The following BSPH1 variants were observed in gnomAD, a reference collection of about 807,000 sequenced individuals.
The protein encoded by BSPH1 is binder of sperm protein homolog 1.
A neutral mutation model predicts 22.5 loss-of-function variants in BSPH1; 21 were observed. The observed-to-expected ratio is 0.93, with a 90% CI of 0.66 to 1.35. The LOEUF is 1.35. BSPH1 is among the 40% of genes most tolerant of loss of function. The pLI, the probability that BSPH1 is intolerant of heterozygous loss-of-function variation, is 0.00. For synonymous variants in BSPH1, 42 were observed against 53.6 expected (o/e 0.78, Z 0.95); for missense variants, 141 against 154.2 (o/e 0.91, Z 0.45).
intron 2 of BSPH1, among the ~76,000 whole-genome samples, chr19:47,980,253 G>A (rs141147631): frequency 1.3e-5 from 2 of 151,966 alleles, no homozygotes; most frequent in African/African-American, 4.8e-5. Flanking sequence ...AAATGAAATT[G>A]GCTTTATAAT....
intron 2 of BSPH1, chr19:47,980,509 C>T (rs1404919367): frequency 4.2e-6 from 1 of 240,510 alleles, no homozygotes; most frequent in Non-Finnish European, 6.5e-6. Context: ...GAGACTGTCA[C>T]CCAGGCTGGA....
At chr19:47,987,812 C>T (rs1010493880) in intron 1 of BSPH1, among the ~76,000 whole-genome samples, 22 of 151,900 alleles carry the variant, frequency 1.4e-4, no homozygotes, top group African/African-American at 5.1e-4. Context: ...GGCAACTTGG[C>T]GAAATCTTAT....
chr19:47,987,310 C>T (rs1301581183), intron 1 of BSPH1, among the ~76,000 whole-genome samples: 2 of 151,900 alleles, frequency 1.3e-5, no homozygotes, highest in African/African-American at 4.8e-5. Flanking sequence ...ACCCCGTCCT[C>T]GGAATGTCCC....
At chr19:47,975,649 AT>A (rs199878812) in intron 5 of BSPH1, among the ~76,000 whole-genome samples, 735 of 124,692 alleles carry the variant, frequency 5.9e-3, no homozygotes, top group African/African-American at 0.015. Flanking sequence ...AAGGTAATGC[AT>A]TTTTTTTTTT....
chr19:47,990,479 A>T (rs912510671), intron 1 of BSPH1, among the ~76,000 whole-genome samples: 1 of 149,106 alleles, frequency 6.7e-6, no homozygotes. Context: ...TGTCTGATTT[A>T]AAAAAAAAAC....
intron 5 of BSPH1, 113 bp downstream of exon 5, chr19:47,976,595 AAC>A (rs372341553): frequency 0.11 from 48,624 of 442,324 alleles, 1,981 homozygotes; most frequent in African/African-American, 0.14. Flanking sequence ...AAAAAAAAAA[AAC>A]AAAAAAAAAC....
chr19:47,984,229 T>G lies in BSPH1; in HGVS notation c.74-3288A>C, dbSNP rs1410322619. Among the ~76,000 whole-genome samples the G allele has an allele frequency of 5.4e-5, 8 of 147,102 alleles. No homozygotes were observed. The East Asian group carries it at 1.6e-3, about 29-fold the overall frequency. Reference sequence around the variant, plus strand: ...ATTATACATAAAATATAAATATATATATTATATATTTTTAAATTCAAAGGA... The same window carrying G: ...ATTATACATAAAATATAAATATATAGATTATATATTTTTAAATTCAAAGGA... On this transcript the variant is annotated intron_variant, in intron 1 of 5. Transcript: ENST00000344839.
intron 5 of BSPH1, among the ~76,000 whole-genome samples, chr19:47,971,457 C>T (rs559870515): frequency 2.0e-5 from 3 of 152,318 alleles, no homozygotes; most frequent in East Asian, 3.9e-4. Flanking sequence ...CTGCCCGCCT[C>T]GGCCTCCCAA....
intron 1 of BSPH1, among the ~76,000 whole-genome samples, chr19:47,986,537 G>A (rs952260105): frequency 2.6e-5 from 4 of 151,966 alleles, no homozygotes; most frequent in South Asian, 2.1e-4. Context: ...CCAGGAGTTC[G>A]AGACCAGCCT....
rs1189828782 is a variant in BSPH1 at position 47,977,448 on chromosome 19, T to G, written c.181A>C (p.Lys61Gln). The G allele has an allele frequency of 4.5e-6, 7 of 1,552,046 alleles. No homozygotes were observed. The highest frequency in any genetic ancestry group is 3.3e-4 in the Middle Eastern group (2 of 5,996). Residue 61 changes from lysine (K) to glutamine (Q), a missense_variant, in exon 4 of 6, where the codon AAG becomes CAG. By Grantham distance (53) the Lys-to-Gln change is moderately conservative. Coordinates refer to ENST00000344839, the MANE Select transcript of BSPH1 (RefSeq NM_001128326.2). ...CACCACTTGTGTCTTGCCTTGGACT[T>G]GATGCAGTCATAATATGTTCCATTT... ...YKNGTYYDCI[K>Q]SKARHKWCSL...
intron 1 of BSPH1, among the ~76,000 whole-genome samples, chr19:47,985,076 AAAGAAAG>A (rs1969457976): frequency 8.6e-6 from 1 of 116,688 alleles, no homozygotes; most frequent in African/African-American, 3.5e-5. Context: ...AAAAAAAAAA[AAAGAAAG>A]AAAAAGAAAA....
At position 47,977,453 on chromosome 19, in the gene BSPH1, C is replaced by G. The variant is rs958251000; in HGVS notation, c.176G>C (p.Cys59Ser). 9.0e-6 allele frequency: 14 copies of G among 1,551,922 alleles called. No individual in the cohort carries two copies. The highest frequency in any genetic ancestry group is 1.2e-5 in the Non-Finnish European group (14 of 1,147,044). ...FHYKNGTYYD[C>S]IKSKARHKWC... ...CTTGTGTCTTGCCTTGGACTTGATG[C>G]AGTCATAATATGTTCCATTTTTATA... is the stretch of plus-strand genomic sequence containing the variant. The change falls in exon 4 of 6, where the codon TGC becomes TCC. Residue 59 changes from cysteine to serine, a missense_variant. Transcript: ENST00000344839.
At chr19:47,986,381 G>A (rs930928911) in intron 1 of BSPH1, among the ~76,000 whole-genome samples, 2 of 152,146 alleles carry the variant, frequency 1.3e-5, no homozygotes, top group African/African-American at 2.4e-5. Flanking sequence ...ACCATGGGAG[G>A]CTCATCCCCC....
intron 5 of BSPH1, among the ~76,000 whole-genome samples, chr19:47,974,244 C>G (rs953045850): frequency 6.7e-6 from 1 of 148,590 alleles, no homozygotes; most frequent in Admixed American, 6.7e-5. Flanking sequence ...TTGGTCACTT[C>G]CACAGCCACT....
rs556393081 is a variant in BSPH1, at chr19:47,968,868, G to A, written c.*3-659C>T. Reference sequence around the variant, plus strand: ...CAAAAAATTAGTTGGGCATGGTGGCGTGCACCTGTAGTCCCAGCTACTCAA... The same window carrying A: ...CAAAAAATTAGTTGGGCATGGTGGCATGCACCTGTAGTCCCAGCTACTCAA... On this transcript the variant is annotated intron_variant, in intron 5 of 5. Transcript: ENST00000344839. Among the ~76,000 whole-genome samples the A allele has an allele frequency of 9.2e-5, 14 of 151,514 alleles. No homozygotes were observed. In the East Asian group the frequency reaches 1.6e-3, roughly 17 times the overall value.
intron 5 of BSPH1, among the ~76,000 whole-genome samples, chr19:47,969,228 G>C (rs532104594): frequency 1.4e-4 from 21 of 152,188 alleles, no homozygotes; most frequent in African/African-American, 4.8e-4. Flanking sequence ...GGAAAGAGAA[G>C]AGTAAAAACA....
In BSPH1 at chr19:47,976,877, A is replaced by G. The variant is rs568176449; in HGVS notation, c.257-23T>C. 1,515 of 1,550,566 alleles carry G rather than the reference A, an allele frequency of 9.8e-4. 32 individuals carry two copies. In the South Asian group the frequency reaches 0.012, roughly 12 times the overall value. ...AATCTGCAGAGGAGGAAGAGGAAGAAGCAGAGTAAGAAACCTTTCTAATTT... is the reference window on the plus strand; with the variant it reads ...AATCTGCAGAGGAGGAAGAGGAAGAGGCAGAGTAAGAAACCTTTCTAATTT... On this transcript the variant is annotated intron_variant, in intron 4 of 5. Coordinates refer to ENST00000344839, the MANE Select transcript of BSPH1 (RefSeq NM_001128326.2).
At chr19:47,977,321 GCCT>G in intron 4 of BSPH1, 49 bp downstream of exon 4, 1 of 1,423,140 alleles carries the variant, frequency 7.0e-7, no homozygotes, top group Non-Finnish European at 9.6e-7. Context: ...TCAGATCCCA[GCCT>G]CAGAGACCAA....
intron 1 of BSPH1, among the ~76,000 whole-genome samples, chr19:47,983,694 C>T (rs1056627876): frequency 6.6e-6 from 1 of 152,140 alleles, no homozygotes; most frequent in Admixed American, 6.6e-5. Flanking sequence ...AAATACCTTG[C>T]AAGTACAATG....
Sources: allele counts gnomAD v4.1 joint callset (sites outside exome capture counted in the v4.1 genomes callset), GRCh38; gene constraint gnomAD v4.1.1; transcripts MANE v1.5; gene names NCBI Gene and HGNC (gene_info 2026-07-23, HGNC 2026-07-21).